EPRS1: variants seen among roughly 807,000 people sequenced by gnomAD.
EPRS1 encodes glutamyl-prolyl-tRNA synthetase 1.
EPRS1 carries 107 observed loss-of-function variants against 188.3 expected under a neutral mutation model. That is an observed-to-expected ratio of 0.57 (90% CI 0.49 to 0.67). The LOEUF (loss-of-function observed/expected upper bound fraction) is 0.67. Among genes scored for constraint, EPRS1 ranks in the 30% least tolerant of loss-of-function variants. The pLI, the probability that EPRS1 is intolerant of heterozygous loss-of-function variation, is 0.00. For missense variants in EPRS1, 1,577 were observed against 1,802.2 expected (o/e 0.88, Z 2.26); for synonymous variants, 596 against 593.1 (o/e 1.00, Z -0.07).
At chr1:219,971,132 T>C (rs1660657046) in intron 30 of EPRS1, among the ~76,000 whole-genome samples, 1 of 152,178 alleles carries the variant, frequency 6.6e-6, no homozygotes, top group South Asian at 2.1e-4. Context: ...CTAAATTCTG[T>C]ATAGTTTGGG....
chr1:220,035,280 A>G (rs1302113508), intron 2 of EPRS1, among the ~76,000 whole-genome samples: 1 of 152,012 alleles, frequency 6.6e-6, no homozygotes, highest in East Asian at 1.9e-4. Flanking sequence ...CCTCCCAAGT[A>G]GCTGTGATTA....
rs1339503060 is a variant in EPRS1, at chr1:220,002,717, A to C, written c.2064-1462T>G. Among the ~76,000 whole-genome samples, 4 of 151,936 alleles carry C rather than the reference A, an allele frequency of 2.6e-5. No individual in the cohort carries two copies. In the East Asian group the frequency reaches 7.7e-4, roughly 29 times the overall value. On this transcript the variant is annotated intron_variant, in intron 16 of 31. Coordinates refer to ENST00000366923, the MANE Select transcript of EPRS1 (RefSeq NM_004446.3). The stretch of plus-strand genomic sequence containing the variant: ...TCTACAAAAAATACACAAACTAGAT[A>C]GGTGTGGTGGCACATATCTGTAGCC...
chr1:220,005,817 G>GTTTTT (rs765781858), intron 15 of EPRS1, among the ~76,000 whole-genome samples: 58 of 119,650 alleles, frequency 4.8e-4, no homozygotes, highest in African/African-American at 1.4e-3. Context: ...TACTTACATC[G>GTTTTT]TTTTTTTTTT....
chr1:220,033,665 A>C lies in EPRS1; in HGVS notation c.232-7T>G, dbSNP rs1289778782. 1 of 1,590,244 alleles carries C rather than the reference A, an allele frequency of 6.3e-7. No homozygotes were observed. Among genetic ancestry groups the C allele is most frequent in the East Asian group, 2.2e-5 (1 of 44,700 alleles). ...ACTCCAACCAGTGATCAATCTGTCAACATAAAAGACAGAAAAGAAATGCAT... is the reference window on the plus strand; with the variant it reads ...ACTCCAACCAGTGATCAATCTGTCACCATAAAAGACAGAAAAGAAATGCAT... On this transcript the variant is annotated splice_polypyrimidine_tract_variant and splice_region_variant and intron_variant, in intron 3 of 31. Coordinates refer to ENST00000366923, the MANE Select transcript of EPRS1 (RefSeq NM_004446.3).
chr1:220,024,312 T>C lies in EPRS1; in HGVS notation c.895A>G (p.Met299Val). The C allele has an allele frequency of 1.9e-6, 3 of 1,611,888 alleles. No individual in the cohort carries two copies. The highest frequency in any genetic ancestry group is 2.5e-6 in the Non-Finnish European group (3 of 1,179,286). The change falls in exon 8 of 32, where the codon ATG becomes GTG. Residue 299 changes from methionine (M) to valine (V), a missense_variant. Physicochemically the swap from Met to Val is conservative, Grantham distance 21. This residue lies in a region of EPRS1 where 1,278 missense variants were observed against 1,457.4 expected (regional missense o/e 0.88). Coordinates refer to ENST00000366923, the MANE Select transcript of EPRS1 (RefSeq NM_004446.3). ...AYVDDTPAEQ[M>V]KAEREQRIDS... ...ATCCTCTGCTCACGTTCTGCTTTCA[T>C]CTGTTCAGCAGGAGTATCATCCACA...
intron 15 of EPRS1, 144 bp downstream of exon 15, chr1:220,005,962 G>C: frequency 2.2e-6 from 1 of 460,228 alleles, no homozygotes; most frequent in East Asian, 3.7e-5. Context: ...GAGCCACCAT[G>C]CTCGGCCAAC....
chr1:220,027,657 A>C (rs1662006871), intron 6 of EPRS1, among the ~76,000 whole-genome samples: 1 of 151,386 alleles, frequency 6.6e-6, no homozygotes, highest in African/African-American at 2.4e-5. Context: ...AATGCAACAT[A>C]TTTAGGGCTA....
At chr1:220,020,785 A>G (rs896651366) in intron 9 of EPRS1, among the ~76,000 whole-genome samples, 2 of 145,800 alleles carry the variant, frequency 1.4e-5, no homozygotes, top group Non-Finnish European at 3.0e-5. Context: ...TTTCTGACTA[A>G]GATAATGTAT....
chr1:219,969,717 T>C (rs1228324000), intron 30 of EPRS1, among the ~76,000 whole-genome samples: 3 of 152,092 alleles, frequency 2.0e-5, no homozygotes, highest in Non-Finnish European at 4.4e-5. Context: ...CGAATCAAGA[T>C]ACTTAGGATT....
chr1:219,984,154 A>C (rs1254870832), intron 21 of EPRS1, 52 bp downstream of exon 21: 1 of 1,272,584 alleles, frequency 7.9e-7, no homozygotes, highest in Non-Finnish European at 1.1e-6. Context: ...TGAACATAAA[A>C]AGCAGCCATT....
intron 13 of EPRS1, among the ~76,000 whole-genome samples, chr1:220,010,515 A>G (rs1661580981): frequency 6.6e-6 from 1 of 152,204 alleles, no homozygotes; most frequent in South Asian, 2.1e-4. Flanking sequence ...ACAATGTTGA[A>G]TAGAAAATCA....
chr1:220,037,505 CAAAAAAAAAAA>C (rs766349279), intron 2 of EPRS1, among the ~76,000 whole-genome samples: 1 of 52,322 alleles, frequency 1.9e-5, no homozygotes, highest in Non-Finnish European at 4.1e-5. Flanking sequence ...ACTCCATCTC[CAAAAAAAAAAA>C]AAAAAAAAAT....
chr1:219,993,293 T>C (rs1244851838), intron 18 of EPRS1, among the ~76,000 whole-genome samples: 1 of 152,246 alleles, frequency 6.6e-6, no homozygotes, highest in Non-Finnish European at 1.5e-5. Flanking sequence ...AGTGTTATTA[T>C]ATCTTTGGTG....
intron 9 of EPRS1, among the ~76,000 whole-genome samples, chr1:220,020,872 T>TATATATATATATA: frequency 9.2e-6 from 1 of 108,894 alleles, no homozygotes; most frequent in Non-Finnish European, 2.0e-5. Flanking sequence ...ATATATATAT[T>TATATATATATATA]AGTGCATTAT....
rs186249530 is a variant in EPRS1, at chr1:219,976,434, T to A, written c.4083+2112A>T. ...GAATGGGGGTCTAGAATTAGACTAT[T>A]GTAATGTATGAACACTACTATACTA... On this transcript the variant is annotated intron_variant, in intron 28 of 31. Transcript: ENST00000366923. Among the ~76,000 whole-genome samples, 442 of 152,348 alleles carry A rather than the reference T, an allele frequency of 2.9e-3. 2 individuals are homozygous for A. The highest frequency in any genetic ancestry group is 8.8e-3 in the African/African-American group (368 of 41,582).
In EPRS1 at chr1:219,969,087, ACAGT is replaced by A; in HGVS notation, c.4355_4358del (p.Asp1452ValfsTer63). 1 of 1,613,224 alleles carries A rather than the reference ACAGT, an allele frequency of 6.2e-7. No individual in the cohort carries two copies. The highest frequency in any genetic ancestry group is 1.7e-5 in the Admixed American group (1 of 60,022). On this transcript the variant is annotated frameshift_variant, in exon 31 of 32. Transcript: ENST00000366923. LOFTEE classifies it high-confidence loss of function. The stretch of plus-strand genomic sequence containing the variant: ...CAGTGGTCTTTTTGATCCAGTCCTC[ACAGT>A]CAATTTCCCCACAGAATGGAATCTG...
At chr1:219,975,766 GTATAGA>G (rs1160705388) in intron 28 of EPRS1, among the ~76,000 whole-genome samples, 2 of 152,070 alleles carry the variant, frequency 1.3e-5, no homozygotes, top group African/African-American at 2.4e-5. Context: ...GGAATTTAAA[GTATAGA>G]TATAAACTCT....
At chr1:220,017,128 G>A (rs1260922273) in intron 12 of EPRS1, among the ~76,000 whole-genome samples, 12 of 151,878 alleles carry the variant, frequency 7.9e-5, no homozygotes, top group South Asian at 4.2e-4. Flanking sequence ...CAGGAGAATC[G>A]CTTGAACCCG....
In EPRS1 at chr1:220,007,296, C is replaced by G; in HGVS notation, c.1648G>C (p.Val550Leu). The change falls in exon 14 of 32, where the codon GTT becomes CTT. Residue 550 changes from valine to leucine, a missense_variant. Physicochemically the swap from Val to Leu is conservative, Grantham distance 32. Transcript: ENST00000366923. ...GLKPVWYSPK[V>L]FIEGADAETF... Reference sequence around the variant, plus strand: ...TCTGCATCAGCACCTTCAATGAAAACTTTGGGACTATACCACACAGGCTTC... The same window carrying G: ...TCTGCATCAGCACCTTCAATGAAAAGTTTGGGACTATACCACACAGGCTTC... 6.2e-7 allele frequency: 1 copy of G among 1,613,986 alleles called. No individual in the cohort carries two copies. Among genetic ancestry groups the G allele is most frequent in the Non-Finnish European group, 8.5e-7 (1 of 1,179,912 alleles).
Sources: gnomAD v4.1 joint callset for allele counts (sites outside exome capture counted in the v4.1 genomes callset) on GRCh38, gnomAD v4.1.1 for gene constraint, gnomAD v4.1.1 regional missense constraint, MANE v1.5 for transcripts, NCBI Gene and HGNC (gene_info 2026-07-23, HGNC 2026-07-21) for gene names.